CRACR2A: variants seen among roughly 807,000 people sequenced by gnomAD.
CRACR2A encodes the protein EF-hand calcium-binding domain-containing protein 4B.
A neutral mutation model predicts 90.5 loss-of-function variants in CRACR2A; 79 were observed. That is an observed-to-expected ratio of 0.87 (90% CI 0.73 to 1.05). The LOEUF (loss-of-function observed/expected upper bound fraction) is 1.05. Among genes scored for constraint, CRACR2A ranks in the 50% least tolerant of loss-of-function variants. The pLI is 0.00. For synonymous variants in CRACR2A, 338 were observed against 356.7 expected, an observed-to-expected ratio of 0.95 and a Z score of 0.59; for missense variants, 823 against 897.2, an observed-to-expected ratio of 0.92 and a Z score of 1.06.
chr12:3,661,616 C>T (rs1945040059), intron 7 of CRACR2A, among the ~76,000 whole-genome samples: 2 of 152,182 alleles, frequency 1.3e-5, no homozygotes, highest in South Asian at 4.1e-4. Context: ...GAAAAAGGCT[C>T]ATGCTATTGA....
intron 12 of CRACR2A, among the ~76,000 whole-genome samples, chr12:3,643,817 TTATA>T (rs1944622711): frequency 1.2e-5 from 1 of 85,732 alleles, no homozygotes; most frequent in Non-Finnish European, 2.3e-5. Context: ...ATATATATAT[TTATA>T]TTATATATAA....
chr12:3,696,981 T>C lies in CRACR2A; in HGVS notation c.19A>G (p.Arg7Gly), dbSNP rs9788233. The C allele has an allele frequency of 0.13, 205,321 of 1,592,096 alleles. 14,903 individuals are homozygous for C. Among genetic ancestry groups the C allele is most frequent in the Admixed American group, 0.28 (16,883 of 59,626 alleles). Reference protein sequence around the residue: MAAPDGRVVSRPQRLGQ... With the variant: MAAPDGGVVSRPQRLGQ... ...AGTCTCTGGGGTCTGGAGACTACCC[T>C]CCCGTCAGGGGCAGCCATCGCGATT... Residue 7 changes from arginine to glycine, a missense_variant, in exon 4 of 20, where the codon AGG becomes GGG. Coordinates refer to ENST00000440314, the MANE Select transcript of CRACR2A (RefSeq NM_001144958.2).
intron 14 of CRACR2A, among the ~76,000 whole-genome samples, chr12:3,636,034 A>C (rs1319309736): frequency 6.6e-6 from 1 of 152,248 alleles, no homozygotes; most frequent in Non-Finnish European, 1.5e-5. Flanking sequence ...CTAGTGAATT[A>C]ATATACTATG....
intron 3 of CRACR2A, among the ~76,000 whole-genome samples, chr12:3,712,029 A>G (rs1946012624): frequency 6.6e-6 from 1 of 152,196 alleles, no homozygotes; most frequent in Admixed American, 6.5e-5. Flanking sequence ...CCCACTTGGT[A>G]TCTTAGCCAA....
In CRACR2A at chr12:3,616,938, G is replaced by A. The variant is rs1867696475; in HGVS notation, c.2111+16C>T. 1.3e-6 allele frequency: 2 copies of A among 1,544,606 alleles called. No homozygotes were observed. Among genetic ancestry groups the A allele is most frequent in the Admixed American group, 2.0e-5 (1 of 51,008 alleles). ...GGACACAGCAGTTACTGCACCTGGG[G>A]AGCACATCTCTTTACCTGGCCAGAT... is the stretch of plus-strand genomic sequence containing the variant. On this transcript the variant is annotated intron_variant, in intron 19 of 19. Coordinates refer to ENST00000440314, the MANE Select transcript of CRACR2A (RefSeq NM_001144958.2).
At chr12:3,655,667 GCCAGGTACTC>G (rs1186500073) in intron 9 of CRACR2A, among the ~76,000 whole-genome samples, 1 of 152,202 alleles carries the variant, frequency 6.6e-6, no homozygotes, top group African/African-American at 2.4e-5. Flanking sequence ...GGGGTCGTTA[GCCAGGTACTC>G]CCAGCCATAG....
At chr12:3,654,135 T>G in intron 10 of CRACR2A, 77 bp downstream of exon 10, 3 of 1,536,758 alleles carry the variant, frequency 2.0e-6, no homozygotes, top group Non-Finnish European at 2.6e-6. Context: ...ACAGGGTCTC[T>G]GAGCGGCGAG....
At chr12:3,656,462 A>C in intron 8 of CRACR2A, 56 bp from the exon 9 acceptor site, 1 of 1,563,810 alleles carries the variant, frequency 6.4e-7, no homozygotes, top group East Asian at 2.2e-5. Flanking sequence ...CCCGGGTTAT[A>C]GATTTTTTTT....
intron 13 of CRACR2A, 106 bp from the exon 14 acceptor site, chr12:3,638,560 C>A (rs1944501958): frequency 1.5e-6 from 2 of 1,301,442 alleles, no homozygotes; most frequent in African/African-American, 1.5e-5. Flanking sequence ...GAGCATCACA[C>A]CTTTGGACAA....
chr12:3,638,979 C>A (rs1476603907), intron 13 of CRACR2A, among the ~76,000 whole-genome samples: 2 of 152,202 alleles, frequency 1.3e-5, no homozygotes, highest in Non-Finnish European at 1.5e-5. Flanking sequence ...ACTCTTCAGA[C>A]CTTGCTGTAA....
intron 10 of CRACR2A, among the ~76,000 whole-genome samples, chr12:3,648,876 G>A (rs978328864): frequency 3.9e-5 from 6 of 152,134 alleles, no homozygotes; most frequent in Non-Finnish European, 7.3e-5. Flanking sequence ...CAGACAATCC[G>A]CGACTGAACC....
intron 4 of CRACR2A, among the ~76,000 whole-genome samples, chr12:3,692,585 C>A (rs1295285704): frequency 6.6e-6 from 1 of 152,116 alleles, no homozygotes. Context: ...TGTCAGCCAG[C>A]CAAAGCATTT....
At chr12:3,646,249 A>G (rs1480250165) in intron 11 of CRACR2A, among the ~76,000 whole-genome samples, 1 of 152,214 alleles carries the variant, frequency 6.6e-6, no homozygotes, top group Non-Finnish European at 1.5e-5. Flanking sequence ...CGTTAACACA[A>G]GAGGTGGAGA....
intron 2 of CRACR2A, chr12:3,729,920 C>T (rs1946334098): frequency 6.6e-6 from 1 of 152,184 alleles, no homozygotes; most frequent in African/African-American, 2.4e-5. Flanking sequence ...TGTAATGGAG[C>T]AACACTTCTG....
chr12:3,717,161 C>A (rs185723805), intron 2 of CRACR2A, among the ~76,000 whole-genome samples: 5 of 152,084 alleles, frequency 3.3e-5, no homozygotes, highest in Non-Finnish European at 7.4e-5. Flanking sequence ...AGCAAGGTCA[C>A]GAGAAATGCC....
chr12:3,736,564 A>G (rs976292974), intron 1 of CRACR2A, among the ~76,000 whole-genome samples: 1 of 151,946 alleles, frequency 6.6e-6, no homozygotes, highest in Non-Finnish European at 1.5e-5. Context: ...GTTGAAATAT[A>G]TGAGGGTTGA....
chr12:3,678,863 A>C, intron 6 of CRACR2A, 52 bp downstream of exon 6: 37 of 1,533,510 alleles, frequency 2.4e-5, no homozygotes, highest in Non-Finnish European at 3.1e-5. Context: ...GGACACAGGA[A>C]GAGGTTCCTA....
At chr12:3,662,994 A>G (rs1329407142) in intron 7 of CRACR2A, among the ~76,000 whole-genome samples, 3 of 152,226 alleles carry the variant, frequency 2.0e-5, no homozygotes, top group East Asian at 3.8e-4. Context: ...AGATTTTGCC[A>G]TCTATTCCAA....
chr12:3,659,475 G>T (rs1232098018), intron 8 of CRACR2A, 89 bp downstream of exon 8: 4 of 1,133,866 alleles, frequency 3.5e-6, no homozygotes, highest in Non-Finnish European at 5.3e-6. Context: ...ATAGTGCATG[G>T]ATGGGGGCAC....
Sources: allele counts gnomAD v4.1 joint callset (sites outside exome capture counted in the v4.1 genomes callset), GRCh38; gene constraint gnomAD v4.1.1; transcripts MANE v1.5; gene names NCBI Gene and HGNC (gene_info 2026-07-23, HGNC 2026-07-21).